The following ALS2CL variants were observed in gnomAD, a reference collection of about 807,000 sequenced individuals.
ALS2CL encodes ALS2 C-terminal like.
In ALS2CL, 112 loss-of-function variants were observed where a neutral mutation model predicts 127.9. That is an observed-to-expected ratio of 0.88 (90% CI 0.75 to 1.02). The LOEUF (loss-of-function observed/expected upper bound fraction) is 1.02. Ranked by LOEUF, ALS2CL falls within the 50% of genes least tolerant of loss-of-function variation. The pLI, the probability that ALS2CL is intolerant of heterozygous loss-of-function variation, is 0.00. For synonymous variants in ALS2CL, 519 were observed against 527.6 expected, an observed-to-expected ratio of 0.98 and a Z score of 0.22; for missense variants, 1,174 against 1,236.7, an observed-to-expected ratio of 0.95 and a Z score of 0.76.
chr3:46,677,890 C>T (rs764613804), intron 16 of ALS2CL, among the ~76,000 whole-genome samples: 4 of 151,764 alleles, frequency 2.6e-5, no homozygotes, highest in African/African-American at 7.3e-5. Context: ...TTGTAAATGC[C>T]GTAGGACATG....
chr3:46,693,024 G>A (rs1345853205), intron 1 of ALS2CL, among the ~76,000 whole-genome samples: 1 of 152,152 alleles, frequency 6.6e-6, no homozygotes, highest in Non-Finnish European at 1.5e-5. Flanking sequence ...CAGTGGGGGA[G>A]AGTAGAGACA....
rs1286980907 is a variant in ALS2CL, at chr3:46,681,834, G to A, written c.1175+195C>T. Among the ~76,000 whole-genome samples, 2 of 152,130 alleles carry A rather than the reference G, an allele frequency of 1.3e-5. No individual in the cohort carries two copies. Among genetic ancestry groups the A allele is most frequent in the Non-Finnish European group, 2.9e-5 (2 of 68,034 alleles). On this transcript the variant is annotated intron_variant, in intron 11 of 25. Coordinates refer to ENST00000318962, the MANE Select transcript of ALS2CL (RefSeq NM_147129.5). This position sits in a 1 kb window ranked among gnomAD's most constrained non-coding sequence, Gnocchi z 4.9. ...CCTGTACCACTCCCTCTGTGACCTC[G>A]AGCTGAGACGGGCCCCCTATTCAGG...
chr3:46,680,331 C>A, intron 14 of ALS2CL, 99 bp downstream of exon 14: 2 of 1,296,810 alleles, frequency 1.5e-6, no homozygotes, highest in Non-Finnish European at 2.2e-6. Context: ...AACACAGCCC[C>A]CTTTCCCATC....
At chr3:46,683,630 T>G (rs9868213) in intron 9 of ALS2CL, 152 bp downstream of exon 9, 743,528 of 987,824 alleles carry the variant, frequency 0.75, 281,300 homozygotes, top group African/African-American at 0.85. Flanking sequence ...ACATTCTAAT[T>G]CTTGACCCCG....
chr3:46,691,143 G>A (rs560395248), intron 1 of ALS2CL, among the ~76,000 whole-genome samples: 26 of 152,326 alleles, frequency 1.7e-4, no homozygotes, highest in African/African-American at 5.8e-4. Context: ...AGGCAGACAA[G>A]GAAAGCCCAG....
intron 23 of ALS2CL, 21 bp downstream of exon 23, chr3:46,672,119 C>T: frequency 1.9e-6 from 3 of 1,614,204 alleles, no homozygotes; most frequent in Non-Finnish European, 2.5e-6. Context: ...GGACCCCCAA[C>T]CCACTACGGC....
At position 46,686,537 on chromosome 3, in the gene ALS2CL, A is replaced by T. The variant is rs776605166; in HGVS notation, c.535-98T>A. 4.8e-5 allele frequency: 71 copies of T among 1,479,398 alleles called. No individual in the cohort carries two copies. Among genetic ancestry groups the T allele is most frequent in the Non-Finnish European group, 5.6e-5 (62 of 1,100,772 alleles). The allele number at this position is 1,479,398 out of a possible 1,614,324, so 91.6% of individuals were successfully genotyped here. On this transcript the variant is annotated intron_variant, in intron 5 of 25. Transcript: ENST00000318962. This position sits in a 1 kb window ranked among gnomAD's most constrained non-coding sequence, Gnocchi z 4.3. ...TGGTGGGGAGGCCTGAATCTAGGCC[A>T]GACCTTGCCCTTCTCTCCCTGACAG...
In ALS2CL at chr3:46,686,310, T is replaced by A. The variant is rs764166046; in HGVS notation, c.664A>T (p.Arg222Trp). The stretch of plus-strand genomic sequence containing the variant: ...TGCCCCTCAGGCCCCCAACTCACCC[T>A]CAGCCGGCCTCTCAGGGTGTGCCAG... ...ALWHTLRGRL[R>W]DVLCTPAHRL... Residue 222 changes from arginine (R) to tryptophan (W), a missense_variant and splice_region_variant, in exon 6 of 26, where the codon AGG becomes TGG. Physicochemically the swap from Arg to Trp is moderately radical, Grantham distance 101. Transcript: ENST00000318962. This position sits in a 1 kb window ranked among gnomAD's most constrained non-coding sequence, Gnocchi z 4.3. 2.1e-5 allele frequency: 34 copies of A among 1,607,340 alleles called. No homozygotes were observed. The Admixed American group carries it at 4.2e-4, about 20-fold the overall frequency.
intron 21 of ALS2CL, 46 bp downstream of exon 21, chr3:46,674,520 G>C: frequency 6.3e-7 from 1 of 1,579,720 alleles, no homozygotes; most frequent in African/African-American, 1.3e-5. Flanking sequence ...AGTCTGAGTC[G>C]AGTTTGAGTC....
chr3:46,683,392 T>TC, intron 9 of ALS2CL, 66 bp from the exon 10 acceptor site: 1 of 1,479,330 alleles, frequency 6.8e-7, no homozygotes, highest in Non-Finnish European at 9.2e-7. Flanking sequence ...CAGGAAGCCT[T>TC]CTGGGGTAGC....
chr3:46,682,206 C>G (rs541116010), intron 10 of ALS2CL, 112 bp from the exon 11 acceptor site: 1 of 1,137,578 alleles, frequency 8.8e-7, no homozygotes, highest in African/African-American at 1.5e-5. Context: ...GGGCTCCCTG[C>G]ACCCACCCAG....
rs1015272291 is a variant in ALS2CL, at chr3:46,685,794, A to G, written c.667-150T>C. On this transcript the variant is annotated intron_variant, in intron 6 of 25. Coordinates refer to ENST00000318962, the MANE Select transcript of ALS2CL (RefSeq NM_147129.5). ...GACCCTGGGTCAGAGATAGGCAGAA[A>G]TGCACTGATTATACATTCCTGGCTC... The G allele has an allele frequency of 1.1e-5, 12 of 1,137,016 alleles. No homozygotes were observed. The African/African-American group carries it at 1.7e-4, about 16-fold the overall frequency. The allele number at this position is 1,137,016 out of a possible 1,614,324, so 70.4% of individuals were successfully genotyped here. A position where few individuals can be genotyped will look rare whatever the true frequency, so the allele number is the denominator to read the frequency against.
Position 46,687,624 on chromosome 3 carries a change from C to T in ALS2CL, c.363G>A (p.Arg121=). 4 of 1,613,208 alleles carry T rather than the reference C, an allele frequency of 2.5e-6. No homozygotes were observed. Among genetic ancestry groups the T allele is most frequent in the Non-Finnish European group, 3.4e-6 (4 of 1,179,688 alleles). The part of the protein sequence containing the change: ...VVQAFQKAAK[R]RSEYWRGQRK... ...TGCACCAGCCCTGTGCTCACCTTCT[C>T]CTCTTTGCTGCCTTCTGGAAGGCCT... is the stretch of plus-strand genomic sequence containing the variant. The change falls in exon 4 of 26, where the codon AGG becomes AGA. Residue 121 remains arginine, a synonymous_variant. Coordinates refer to ENST00000318962, the MANE Select transcript of ALS2CL (RefSeq NM_147129.5).
At chr3:46,673,011 G>GTAAA (rs1197026829) in intron 22 of ALS2CL, among the ~76,000 whole-genome samples, 85 of 152,244 alleles carry the variant, frequency 5.6e-4, no homozygotes, top group African/African-American at 1.9e-3. Context: ...TTCTCGAAAA[G>GTAAA]TAAATAAATA....
chr3:46,691,205 C>T (rs1005919762), intron 1 of ALS2CL, among the ~76,000 whole-genome samples: 4 of 152,146 alleles, frequency 2.6e-5, no homozygotes, highest in South Asian at 2.1e-4. Flanking sequence ...CCGTATCTCC[C>T]GAAACTGCTG....
intron 10 of ALS2CL, 29 bp downstream of exon 10, chr3:46,683,101 C>T (rs746688220): frequency 6.5e-7 from 1 of 1,527,694 alleles, no homozygotes; most frequent in Non-Finnish European, 8.8e-7. Flanking sequence ...GGGAGTCCCA[C>T]CTTGCCACCC....
intron 19 of ALS2CL, 55 bp downstream of exon 19, chr3:46,676,190 A>G: frequency 1.9e-6 from 3 of 1,577,704 alleles, no homozygotes; most frequent in Non-Finnish European, 2.6e-6. Context: ...TGATGCCTGG[A>G]AAGGGCACAC....
In ALS2CL at chr3:46,677,038, A is replaced by AGGGTGGGTGATGGG; in HGVS notation, c.1758-30_1758-17dup. 6.3e-7 allele frequency: 1 copy of AGGGTGGGTGATGGG among 1,586,408 alleles called. No homozygotes were observed. The highest frequency in any genetic ancestry group is 8.6e-7 in the Non-Finnish European group (1 of 1,167,142). On this transcript the variant is annotated splice_polypyrimidine_tract_variant and intron_variant, in intron 16 of 25. Transcript: ENST00000318962. ...GCCCAGCTGCCTGCGATGGGGATGG[A>AGGGTGGGTGATGGG]GGGTGGGTGATGGGGCAGAGAGAGA...
At position 46,681,274 on chromosome 3, in the gene ALS2CL, C is replaced by CG; in HGVS notation, c.1407dup (p.Gly470ArgfsTer5). 6.2e-7 allele frequency: 1 copy of CG among 1,613,960 alleles called. No homozygotes were observed. On this transcript the variant is annotated frameshift_variant, in exon 13 of 26. Coordinates refer to ENST00000318962, the MANE Select transcript of ALS2CL (RefSeq NM_147129.5). LOFTEE classifies it high-confidence loss of function. The surrounding 1 kb of genome is among the most constrained non-coding windows in gnomAD (Gnocchi z 4.9). ...TCACCATCCTCCTCAATGCCATAGCCGCTCCTCTGGCCCCTCTCCCAGTGG... is the reference window on the plus strand; with the variant it reads ...TCACCATCCTCCTCAATGCCATAGCCGGCTCCTCTGGCCCCTCTCCCAGTGG...
Sources: gnomAD v4.1 joint callset for allele counts (sites outside exome capture counted in the v4.1 genomes callset) on GRCh38, gnomAD v4.1.1 for gene constraint, Gnocchi (gnomAD v3.1) non-coding constraint, MANE v1.5 for transcripts, NCBI Gene and HGNC (gene_info 2026-07-23, HGNC 2026-07-21) for gene names.